The following ZDHHC14 variants were observed in gnomAD, a reference collection of about 807,000 sequenced individuals.
ZDHHC14 encodes palmitoyltransferase ZDHHC14.
ZDHHC14 carries 16 observed loss-of-function variants against 47.7 expected under a neutral mutation model. The observed-to-expected ratio is 0.34, with a 90% CI of 0.23 to 0.51. ZDHHC14 has a LOEUF of 0.51. Ranked by LOEUF, ZDHHC14 falls within the 20% of genes least tolerant of loss-of-function variation. The probability of loss-of-function intolerance (pLI) is 0.97; values close to 1 mark genes in which losing one functional copy is unlikely to be tolerated. For missense variants in ZDHHC14, 515 were observed against 662.5 expected, an observed-to-expected ratio of 0.78 and a Z score of 2.44; for synonymous variants, 293 against 278.9, an observed-to-expected ratio of 1.05 and a Z score of -0.50.
chr6:157,523,037 C>G (rs1340817082), intron 1 of ZDHHC14, among the ~76,000 whole-genome samples: 2 of 145,190 alleles, frequency 1.4e-5, no homozygotes, highest in African/African-American at 5.1e-5. Context: ...AACTTTGGCT[C>G]TGAGTACTTA....
chr6:157,614,494 T>G (rs1328923353), intron 3 of ZDHHC14, among the ~76,000 whole-genome samples: 1 of 152,116 alleles, frequency 6.6e-6, no homozygotes, highest in East Asian at 1.9e-4. Context: ...CCCAAGGCTC[T>G]CCATAGAGAA....
chr6:157,395,705 A>G (rs890121629), intron 1 of ZDHHC14, among the ~76,000 whole-genome samples: 3 of 151,956 alleles, frequency 2.0e-5, no homozygotes, highest in African/African-American at 7.3e-5. Flanking sequence ...GAGGCAGGGG[A>G]ATCACTTGAA....
At chr6:157,574,736 C>T (rs1783238385) in intron 2 of ZDHHC14, among the ~76,000 whole-genome samples, 2 of 152,256 alleles carry the variant, frequency 1.3e-5, no homozygotes, top group South Asian at 2.1e-4. Context: ...ATCACCATGG[C>T]CACCACCCTA....
intron 1 of ZDHHC14, among the ~76,000 whole-genome samples, chr6:157,455,847 G>C (rs2114808006): frequency 6.6e-6 from 1 of 152,326 alleles, no homozygotes; most frequent in South Asian, 2.1e-4. Flanking sequence ...ATTAGAGAGA[G>C]AAAGTAACAC....
At chr6:157,465,989 T>C (rs2006068) in intron 1 of ZDHHC14, among the ~76,000 whole-genome samples, 117,654 of 151,860 alleles carry the variant, frequency 0.77, 45,884 homozygotes, top group East Asian at 0.92. Flanking sequence ...TTGCAGTGAG[T>C]CGAGATGGTG....
Position 157,542,568 on chromosome 6 carries a change from G to A in ZDHHC14, c.246-17G>A. 2.5e-6 allele frequency: 4 copies of A among 1,613,264 alleles called. No individual in the cohort carries two copies. In the South Asian group the frequency reaches 4.4e-5, roughly 18 times the overall value. On this transcript the variant is annotated splice_polypyrimidine_tract_variant and intron_variant, in intron 1 of 8. Coordinates refer to ENST00000359775, the MANE Select transcript of ZDHHC14 (RefSeq NM_024630.3). ...TTTCTTTTCCCCTTCTCTCCGGTCT[G>A]TCCAACCTGTCGGCAGCTGTCCGTA... is the stretch of plus-strand genomic sequence containing the variant.
At chr6:157,484,240 G>A (rs143576393) in intron 1 of ZDHHC14, among the ~76,000 whole-genome samples, 1,855 of 147,806 alleles carry the variant, frequency 0.013, 39 homozygotes, top group African/African-American at 0.044. Flanking sequence ...TACCAAACTC[G>A]CATGACACGA....
At chr6:157,492,806 A>G (rs1434053413) in intron 1 of ZDHHC14, among the ~76,000 whole-genome samples, 4 of 152,172 alleles carry the variant, frequency 2.6e-5, no homozygotes, top group Non-Finnish European at 5.9e-5. Context: ...TAGAAGAGAC[A>G]GGCGTGAGTG....
At chr6:157,532,481 G>A (rs537040151) in intron 1 of ZDHHC14, among the ~76,000 whole-genome samples, 198 of 152,218 alleles carry the variant, frequency 1.3e-3, no homozygotes, top group African/African-American at 4.6e-3. Context: ...CGCAACCCAA[G>A]GAAAGAAAAA....
intron 1 of ZDHHC14, among the ~76,000 whole-genome samples, chr6:157,525,164 G>GT (rs1373703049): frequency 1.3e-5 from 2 of 151,980 alleles, no homozygotes; most frequent in Admixed American, 6.5e-5. Context: ...TTTGTTTTTT[G>GT]TTTTTTGTTT....
rs192465414 is a variant in ZDHHC14, at chr6:157,615,488, G to C, written c.566-12861G>C. Among the ~76,000 whole-genome samples the C allele has an allele frequency of 7.1e-4, 108 of 152,328 alleles. 1 individual carries two copies. The highest frequency in any genetic ancestry group is 1.4e-3 in the Non-Finnish European group (93 of 68,034). ...ACTTCCTCATTGTGTGAAATGTGTA[G>C]ACACAATTGACTTCAGTTCTTGAAA... is the stretch of plus-strand genomic sequence containing the variant. On this transcript the variant is annotated intron_variant, in intron 3 of 8. Coordinates refer to ENST00000359775, the MANE Select transcript of ZDHHC14 (RefSeq NM_024630.3).
intron 2 of ZDHHC14, among the ~76,000 whole-genome samples, chr6:157,546,307 A>G (rs1378143912): frequency 1.3e-5 from 2 of 152,224 alleles, no homozygotes; most frequent in Non-Finnish European, 2.9e-5. Flanking sequence ...AAAAATGAAC[A>G]ATTAGATTTG....
At chr6:157,488,706 T>C (rs1779839183) in intron 1 of ZDHHC14, among the ~76,000 whole-genome samples, 1 of 152,234 alleles carries the variant, frequency 6.6e-6, no homozygotes, top group South Asian at 2.1e-4. Flanking sequence ...GTTTAGTATT[T>C]GTCTGTCTTT....
At chr6:157,388,790 C>G (rs568503380) in intron 1 of ZDHHC14, among the ~76,000 whole-genome samples, 2 of 152,144 alleles carry the variant, frequency 1.3e-5, no homozygotes, top group Non-Finnish European at 2.9e-5. Context: ...AAGTAAAATA[C>G]TATAAAAAGC....
chr6:157,469,280 G>A (rs1779299295), intron 1 of ZDHHC14, among the ~76,000 whole-genome samples: 1 of 152,184 alleles, frequency 6.6e-6, no homozygotes, highest in African/African-American at 2.4e-5. Flanking sequence ...GCCTGTGTCT[G>A]TAAAGGTGTG....
intron 3 of ZDHHC14, among the ~76,000 whole-genome samples, chr6:157,614,610 G>A (rs567996229): frequency 3.3e-5 from 5 of 152,170 alleles, no homozygotes; most frequent in Non-Finnish European, 4.4e-5. Flanking sequence ...CCATGGAATC[G>A]CTAGACATCG....
intron 1 of ZDHHC14, among the ~76,000 whole-genome samples, chr6:157,498,474 G>C (rs569461747): frequency 1.3e-5 from 2 of 152,256 alleles, no homozygotes; most frequent in African/African-American, 4.8e-5. Context: ...GGCTGATATG[G>C]TGAGTTACTG....
intron 1 of ZDHHC14, among the ~76,000 whole-genome samples, chr6:157,384,151 T>G (rs935868856): frequency 2.0e-5 from 3 of 152,230 alleles, no homozygotes; most frequent in Non-Finnish European, 4.4e-5. Flanking sequence ...ATTTTAACTG[T>G]GGAGAAAATG....
At chr6:157,584,691 C>T (rs1447116218) in intron 2 of ZDHHC14, among the ~76,000 whole-genome samples, 1 of 152,142 alleles carries the variant, frequency 6.6e-6, no homozygotes, top group Non-Finnish European at 1.5e-5. Flanking sequence ...GGCAGCTTCC[C>T]ATCCTTGAGC....
Sources: gnomAD v4.1 joint callset for allele counts (sites outside exome capture counted in the v4.1 genomes callset) on GRCh38, gnomAD v4.1.1 for gene constraint, MANE v1.5 for transcripts, NCBI Gene and HGNC (gene_info 2026-07-23, HGNC 2026-07-21) for gene names.